The following GABRB3 variants were observed in gnomAD, a reference collection of about 807,000 sequenced individuals.
GABRB3 encodes gamma-aminobutyric acid receptor subunit beta-3.
Under a neutral mutation model 52.1 loss-of-function variants are expected in GABRB3, and 14 were observed. The observed-to-expected ratio is 0.27, with a 90% CI of 0.18 to 0.42. The LOEUF (loss-of-function observed/expected upper bound fraction) is 0.42. Ranked by LOEUF, GABRB3 falls within the 10% of genes least tolerant of loss-of-function variation. The pLI is 1.00. For missense variants in GABRB3, 307 were observed against 609.1 expected, an observed-to-expected ratio of 0.50 and a Z score of 5.22; for synonymous variants, 260 against 232.3, an observed-to-expected ratio of 1.12 and a Z score of -1.08.
At chr15:26,618,230 A>G (rs1892336723) in intron 4 of GABRB3, among the ~76,000 whole-genome samples, 2 of 152,132 alleles carry the variant, frequency 1.3e-5, no homozygotes, top group South Asian at 2.1e-4. Flanking sequence ...CCAAAAGAAC[A>G]AAGCTGGAGG....
At position 26,580,204 on chromosome 15, in the gene GABRB3, C is replaced by T; in HGVS notation, c.682+115G>A. On this transcript the variant is annotated intron_variant, in intron 6 of 8. Transcript: ENST00000311550. ...GGTGTGTGTGATGTGTGAATGATAACAGCACTCCTTCCGATGATCCTGTGC... is the reference window on the plus strand; with the variant it reads ...GGTGTGTGTGATGTGTGAATGATAATAGCACTCCTTCCGATGATCCTGTGC... 4 of 1,252,358 alleles carry T rather than the reference C, an allele frequency of 3.2e-6. No homozygotes were observed. In the South Asian group the frequency reaches 3.6e-5, roughly 11 times the overall value. The allele number at this position is 1,252,358 out of a possible 1,614,324, so 77.6% of individuals were successfully genotyped here. A position where few individuals can be genotyped will look rare whatever the true frequency, so the allele number is the denominator to read the frequency against.
intron 3 of GABRB3, among the ~76,000 whole-genome samples, chr15:26,663,221 C>A (rs1887604084): frequency 6.6e-6 from 1 of 152,212 alleles, no homozygotes; most frequent in Non-Finnish European, 1.5e-5. Flanking sequence ...CCTCTCTAAT[C>A]CCAACCCTGG....
chr15:26,657,388 G>A (rs1566793352), intron 3 of GABRB3: 1 of 152,108 alleles, frequency 6.6e-6, no homozygotes, highest in Non-Finnish European at 1.5e-5. Context: ...AAGTTATTCC[G>A]ACAATGAAAC....
chr15:26,713,859 G>C (rs1889383284), intron 3 of GABRB3, among the ~76,000 whole-genome samples: 1 of 152,202 alleles, frequency 6.6e-6, no homozygotes, highest in African/African-American at 2.4e-5. Flanking sequence ...CTCAGGGGAA[G>C]AGACCCAAGA....
Position 26,764,180 on chromosome 15 carries a change from ATATATATATATATATATATATATATAT to A in GABRB3, c.240+8195_240+8221del, listed in dbSNP as rs1408013525. On this transcript the variant is annotated intron_variant, in intron 3 of 8. Coordinates refer to ENST00000311550, the MANE Select transcript of GABRB3 (RefSeq NM_000814.6). ...AAAAAAAAAAAAAAAAAAAAAAAAAATATATATATATATATATATATATATATATATATATATATATATATATATATA... is the reference window on the plus strand; with the variant it reads ...AAAAAAAAAAAAAAAAAAAAAAAAAAATATATATATATATATATATATATA... Among the ~76,000 whole-genome samples the A allele has an allele frequency of 6.7e-4, 3 of 4,454 alleles. 1 individual carries two copies. The highest frequency in any genetic ancestry group is 3.3e-3 in the African/African-American group (3 of 916). 2.9% of individuals were successfully genotyped at this position (4,454 alleles called of 152,430 possible). A position where few individuals can be genotyped will look rare whatever the true frequency, so the allele number is the denominator to read the frequency against.
At chr15:26,746,586 T>G (rs1300097647) in intron 3 of GABRB3, among the ~76,000 whole-genome samples, 4 of 151,778 alleles carry the variant, frequency 2.6e-5, no homozygotes, top group Non-Finnish European at 4.4e-5. Context: ...TTTTTTGTTT[T>G]TTTTTTTTTT....
At chr15:26,616,068 C>T in intron 4 of GABRB3, 1 of 1,289,144 alleles carries the variant, frequency 7.8e-7, no homozygotes, top group Non-Finnish European at 1.0e-6. Flanking sequence ...TACCTATTTA[C>T]CAAAAAGATG....
chr15:26,703,558 A>G (rs983823832), intron 3 of GABRB3, among the ~76,000 whole-genome samples: 1 of 152,222 alleles, frequency 6.6e-6, no homozygotes, highest in East Asian at 1.9e-4. Flanking sequence ...TCAACTTTGA[A>G]GTCTAAAGTC....
intron 3 of GABRB3, chr15:26,666,317 C>T (rs1818769801): frequency 6.6e-6 from 1 of 152,148 alleles, no homozygotes; most frequent in Non-Finnish European, 1.5e-5. Context: ...AGATGGGAAG[C>T]AAGAACAGAA....
At chr15:26,752,581 T>C (rs1707282320) in intron 3 of GABRB3, among the ~76,000 whole-genome samples, 1 of 152,044 alleles carries the variant, frequency 6.6e-6, no homozygotes, top group Admixed American at 6.6e-5. Context: ...TTAATAAGTG[T>C]TTTTTCATGT....
chr15:26,622,688 T>C (rs1459925090), intron 3 of GABRB3, among the ~76,000 whole-genome samples: 2 of 152,188 alleles, frequency 1.3e-5, no homozygotes, highest in Non-Finnish European at 2.9e-5. Context: ...TTTTTGCTTC[T>C]TGCAGGGCAA....
chr15:26,549,566 G>A (rs1324077182), intron 8 of GABRB3, among the ~76,000 whole-genome samples: 2 of 152,162 alleles, frequency 1.3e-5, no homozygotes, highest in East Asian at 3.9e-4. Flanking sequence ...GTTCAACCTT[G>A]TGTAATAACA....
chr15:26,662,098 T>C (rs1887570213), intron 3 of GABRB3, among the ~76,000 whole-genome samples: 1 of 152,208 alleles, frequency 6.6e-6, no homozygotes, highest in Non-Finnish European at 1.5e-5. Context: ...TCCCTTTGAA[T>C]GAACGGAGGC....
chr15:26,559,706 G>A (rs937065623), intron 8 of GABRB3, among the ~76,000 whole-genome samples: 1 of 152,138 alleles, frequency 6.6e-6, no homozygotes, highest in African/African-American at 2.4e-5. Flanking sequence ...AGATAAAGTG[G>A]CTTTGTGGTT....
At chr15:26,654,802 ATTTT>A (rs1046675946) in intron 3 of GABRB3, among the ~76,000 whole-genome samples, 1 of 151,158 alleles carries the variant, frequency 6.6e-6, no homozygotes, top group Admixed American at 6.6e-5. Flanking sequence ...ATCTTTGTAA[ATTTT>A]TTTTTGTTTG....
At chr15:26,611,358 T>G (rs1892064313) in intron 4 of GABRB3, among the ~76,000 whole-genome samples, 2 of 152,152 alleles carry the variant, frequency 1.3e-5, no homozygotes, top group African/African-American at 4.8e-5. Flanking sequence ...TATAGAATGG[T>G]TCTCATATAT....
chr15:26,699,881 T>A (rs1888870300), intron 3 of GABRB3, among the ~76,000 whole-genome samples: 1 of 149,142 alleles, frequency 6.7e-6, no homozygotes, highest in South Asian at 2.1e-4. Flanking sequence ...CCACTGAAAG[T>A]CTATTTTTTC....
chr15:26,700,854 G>C (rs1888907200), intron 3 of GABRB3, among the ~76,000 whole-genome samples: 1 of 152,198 alleles, frequency 6.6e-6, no homozygotes, highest in Non-Finnish European at 1.5e-5. Flanking sequence ...AGGAGGTCGA[G>C]ACCATCCTGG....
chr15:26,628,948 TGCCGAGA>T, intron 3 of GABRB3: 1 of 1,535,254 alleles, frequency 6.5e-7, no homozygotes, highest in Non-Finnish European at 8.7e-7. Context: ...TCCTTGTGAC[TGCCGAGA>T]GCCCGCGTCC....
Sources: gnomAD v4.1 joint callset for allele counts (sites outside exome capture counted in the v4.1 genomes callset) on GRCh38, gnomAD v4.1.1 for gene constraint, MANE v1.5 for transcripts, NCBI Gene and HGNC (gene_info 2026-07-23, HGNC 2026-07-21) for gene names.